The following ATG10 variants were observed in gnomAD, a reference collection of about 807,000 sequenced individuals.
The protein encoded by ATG10 is ubiquitin-like-conjugating enzyme ATG10.
ATG10 carries 30 observed loss-of-function variants against 32.1 expected under a neutral mutation model. The observed-to-expected ratio is 0.94, with a 90% CI of 0.70 to 1.27. ATG10 has a LOEUF of 1.27. Ranked by LOEUF, ATG10 falls within the 50% of genes most tolerant of loss-of-function variation. ATG10 has a pLI of 0.00. For missense variants in ATG10, 233 were observed against 262.3 expected, an observed-to-expected ratio of 0.89 and a Z score of 0.77; for synonymous variants, 87 against 91.5, an observed-to-expected ratio of 0.95 and a Z score of 0.28.
intron 1 of ATG10, among the ~76,000 whole-genome samples, chr5:81,973,865 T>C (rs1051221116): frequency 1.3e-5 from 2 of 152,236 alleles, no homozygotes; most frequent in Non-Finnish European, 2.9e-5. Context: ...TTGAAGAAAT[T>C]AGTGGAAATA....
chr5:82,009,764 G>T lies in ATG10; in HGVS notation c.108+22086G>T, dbSNP rs1381850618. 5.6e-6 allele frequency: 9 copies of T among 1,606,460 alleles called. No individual in the cohort carries two copies. In the Admixed American group the frequency reaches 1.5e-4, roughly 27 times the overall value. Reference sequence around the variant, plus strand: ...TCTTGGCAGTGCAGATGAAAAACTGGGAGCCATTTGTGTTGGGTCCAGCAT... The same window carrying T: ...TCTTGGCAGTGCAGATGAAAAACTGTGAGCCATTTGTGTTGGGTCCAGCAT... On this transcript the variant is annotated intron_variant, in intron 2 of 7. Transcript: ENST00000282185.
chr5:82,196,317 C>G lies in ATG10; in HGVS notation c.453+17730C>G, dbSNP rs578254250. 4.9e-4 allele frequency among the ~76,000 whole-genome samples: 74 copies of G among 152,186 alleles called. 1 individual carries two copies. Among genetic ancestry groups the G allele is most frequent in the South Asian group, 4.8e-3 (23 of 4,824 alleles). On this transcript the variant is annotated intron_variant, in intron 5 of 7. Transcript: ENST00000282185. ...TGACTATATGATTTGCAAATTTTCTCCCATTCCATTGGTTGTCTTTTCCCT... is the reference window on the plus strand; with the variant it reads ...TGACTATATGATTTGCAAATTTTCTGCCATTCCATTGGTTGTCTTTTCCCT...
At chr5:81,976,471 TAAAC>T (rs1561234243) in intron 1 of ATG10, 2 of 152,242 alleles carry the variant, frequency 1.3e-5, no homozygotes, top group Admixed American at 6.5e-5. Context: ...GGTTCCTACA[TAAAC>T]AGACTTACAC....
chr5:82,123,547 G>T (rs985829358), intron 3 of ATG10, among the ~76,000 whole-genome samples: 1 of 150,960 alleles, frequency 6.6e-6, no homozygotes, highest in African/African-American at 2.4e-5. Context: ...AGCATAATTA[G>T]ATGGGTCCTT....
intron 3 of ATG10, among the ~76,000 whole-genome samples, chr5:82,152,512 A>T (rs912531514): frequency 6.6e-6 from 1 of 152,188 alleles, no homozygotes; most frequent in African/African-American, 2.4e-5. Flanking sequence ...CTGCAACTTT[A>T]TTCAATCACA....
chr5:82,000,904 G>A (rs538432784), intron 2 of ATG10, among the ~76,000 whole-genome samples: 15 of 152,160 alleles, frequency 9.9e-5, no homozygotes, highest in South Asian at 4.1e-4. Flanking sequence ...TGATCTGCTC[G>A]CCTTGGCCTC....
chr5:82,025,830 G>T (rs1428356765), intron 2 of ATG10, among the ~76,000 whole-genome samples: 1 of 152,074 alleles, frequency 6.6e-6, no homozygotes, highest in African/African-American at 2.4e-5. Context: ...CCCTGACCTT[G>T]AACTTTGAAT....
chr5:81,988,736 A>G (rs547760723), intron 2 of ATG10, among the ~76,000 whole-genome samples: 4 of 152,110 alleles, frequency 2.6e-5, no homozygotes, highest in East Asian at 3.9e-4. Context: ...GCCTGGCCCA[A>G]AGTATTTTTT....
At chr5:82,190,863 A>G (rs1744637373) in intron 5 of ATG10, among the ~76,000 whole-genome samples, 1 of 151,960 alleles carries the variant, frequency 6.6e-6, no homozygotes, top group Non-Finnish European at 1.5e-5. Context: ...TTATGTTGTG[A>G]ACACTGAGTT....
intron 2 of ATG10, among the ~76,000 whole-genome samples, chr5:82,018,927 G>A (rs115981117): frequency 6.6e-6 from 1 of 151,960 alleles, no homozygotes. Context: ...TATTTATTAT[G>A]TTTATTGTTT....
chr5:82,244,256 A>C (rs1746926588), intron 5 of ATG10, among the ~76,000 whole-genome samples: 1 of 152,288 alleles, frequency 6.6e-6, no homozygotes, highest in Non-Finnish European at 1.5e-5. Context: ...TTTTTGAAGG[A>C]GTAGACTAGA....
At chr5:82,154,756 C>T (rs1287210904) in intron 3 of ATG10, among the ~76,000 whole-genome samples, 1 of 152,228 alleles carries the variant, frequency 6.6e-6, no homozygotes, top group Non-Finnish European at 1.5e-5. Flanking sequence ...TTTGTCCCAG[C>T]ACAAGCATAG....
intron 2 of ATG10, among the ~76,000 whole-genome samples, chr5:82,045,523 G>A (rs1763209269): frequency 6.6e-6 from 1 of 152,076 alleles, no homozygotes; most frequent in African/African-American, 2.4e-5. Context: ...CTGCTGTTCT[G>A]TTGTATGCTT....
intron 3 of ATG10, among the ~76,000 whole-genome samples, chr5:82,151,630 A>C (rs1399821100): frequency 1.3e-5 from 2 of 151,592 alleles, no homozygotes; most frequent in Non-Finnish European, 2.9e-5. Flanking sequence ...CTGGAACAAA[A>C]AAAAAAAAAA....
Position 82,089,413 on chromosome 5 carries a change from C to G in ATG10, c.216+30811C>G, listed in dbSNP as rs550768643. On this transcript the variant is annotated intron_variant, in intron 3 of 7. Coordinates refer to ENST00000282185, the MANE Select transcript of ATG10 (RefSeq NM_031482.5). ...ACAGCAATGGGACAGAATAGAGAAC[C>G]CAGAAGTAAAGCCACATAAATGTGT... Among the ~76,000 whole-genome samples, 10 of 151,046 alleles carry G rather than the reference C, an allele frequency of 6.6e-5. No homozygotes were observed. The East Asian group carries it at 1.9e-3, about 29-fold the overall frequency.
rs5869106 is a variant in ATG10 at position 82,119,984 on chromosome 5, TTGTGTGTGTGTGTG to T, written c.217-44393_217-44380del. On this transcript the variant is annotated intron_variant, in intron 3 of 7. Transcript: ENST00000282185. ...TTTGGCTGTAGGAGTCCACCATTTA[TTGTGTGTGTGTGTG>T]TGTGTGTGTGTGTGTGTGTGTACGC... Among the ~76,000 whole-genome samples the T allele has an allele frequency of 6.4e-3, 953 of 148,284 alleles. 11 individuals are homozygous for T. The East Asian group carries it at 0.078, about 12-fold the overall frequency.
intron 4 of ATG10, among the ~76,000 whole-genome samples, chr5:82,173,793 T>TA (rs1336640361): frequency 2.0e-5 from 3 of 152,152 alleles, no homozygotes; most frequent in African/African-American, 4.8e-5. Context: ...AGGCCAGATG[T>TA]AAAAAAATAG....
chr5:82,130,262 G>A (rs998646864), intron 3 of ATG10, among the ~76,000 whole-genome samples: 1 of 152,162 alleles, frequency 6.6e-6, no homozygotes, highest in Non-Finnish European at 1.5e-5. Flanking sequence ...CAGGCCAGTG[G>A]ATCTTAGCTT....
chr5:82,026,123 A>G (rs150790361), intron 2 of ATG10, among the ~76,000 whole-genome samples: 3 of 152,280 alleles, frequency 2.0e-5, no homozygotes, highest in Admixed American at 6.5e-5. Context: ...CTTTGTACCT[A>G]TGAAACAACT....
Sources: allele counts gnomAD v4.1 joint callset (sites outside exome capture counted in the v4.1 genomes callset), GRCh38; gene constraint gnomAD v4.1.1; transcripts MANE v1.5; gene names NCBI Gene and HGNC (gene_info 2026-07-23, HGNC 2026-07-21).